The following SH3KBP1 variants were observed in gnomAD, a reference collection of about 807,000 sequenced individuals.
The protein encoded by SH3KBP1 is SH3 domain-containing kinase-binding protein 1.
Under a neutral mutation model 50.1 loss-of-function variants are expected in SH3KBP1, and 8 were observed. That is an observed-to-expected ratio of 0.16 (90% CI 0.09 to 0.29). SH3KBP1 has a LOEUF of 0.29. Ranked by LOEUF, SH3KBP1 falls within the 10% of genes least tolerant of loss-of-function variation. The pLI is 1.00. For synonymous variants in SH3KBP1, 227 were observed against 218.6 expected (o/e 1.04, Z -0.34); for missense variants, 377 against 535.2 (o/e 0.70, Z 2.92).
chrX:19,702,656 TA>T (rs756113280), intron 4 of SH3KBP1, among the ~76,000 whole-genome samples: 4 of 103,192 alleles, frequency 3.9e-5, no homozygotes, highest in African/African-American at 3.5e-5. Context: ...CAATGCACTT[TA>T]AAAAAAAAAC....
At chrX:19,704,086 G>T (rs1256782181) in intron 4 of SH3KBP1, among the ~76,000 whole-genome samples, 2 of 111,739 alleles carry the variant, frequency 1.8e-5, no homozygotes, top group Non-Finnish European at 3.8e-5. Context: ...GGGAGTTTTT[G>T]ATCGTATTTT....
intron 7 of SH3KBP1, among the ~76,000 whole-genome samples, chrX:19,634,093 T>TGTGA (rs2061644535): frequency 3.1e-5 from 2 of 63,504 alleles, no homozygotes; most frequent in African/African-American, 5.9e-5. Context: ...TGTGTGTGTG[T>TGTGA]GTGACAGAGG....
intron 7 of SH3KBP1, among the ~76,000 whole-genome samples, chrX:19,634,106 AAGAAAG>A (rs2061646246): frequency 2.9e-5 from 1 of 34,190 alleles, no homozygotes; most frequent in African/African-American, 1.2e-4. Flanking sequence ...GACAGAGGGA[AAGAAAG>A]AGAGAGAGAC....
chrX:19,707,852 G>A (rs1019007918), intron 3 of SH3KBP1, among the ~76,000 whole-genome samples: 18 of 111,825 alleles, frequency 1.6e-4, no homozygotes, highest in Non-Finnish European at 3.2e-4. Flanking sequence ...CAGACAGACA[G>A]ACAGACAGAC....
At chrX:19,808,226 G>C (rs1569478727) in intron 2 of SH3KBP1, among the ~76,000 whole-genome samples, 1 of 110,789 alleles carries the variant, frequency 9.0e-6, no homozygotes, top group African/African-American at 3.3e-5. Flanking sequence ...GTGTCTTGAA[G>C]GTGTAGGCTT....
At chrX:19,797,548 T>C (rs182445885) in intron 2 of SH3KBP1, among the ~76,000 whole-genome samples, 7 of 111,753 alleles carry the variant, frequency 6.3e-5, no homozygotes, top group African/African-American at 2.3e-4. Flanking sequence ...GTACCGAAGG[T>C]TGGCACTCTG....
intron 2 of SH3KBP1, among the ~76,000 whole-genome samples, chrX:19,780,408 T>C (rs1325042559): frequency 1.1e-5 from 1 of 91,553 alleles, no homozygotes; most frequent in Non-Finnish European, 2.2e-5. Context: ...TTCACTCTGA[T>C]GGTAGTTTCT....
intron 1 of SH3KBP1, among the ~76,000 whole-genome samples, chrX:19,836,767 CT>C (rs746557619): frequency 8.9e-6 from 1 of 111,970 alleles, no homozygotes; most frequent in Non-Finnish European, 1.9e-5. Flanking sequence ...CAAATCTCAC[CT>C]TGAATTGTAG....
intron 3 of SH3KBP1, among the ~76,000 whole-genome samples, chrX:19,728,024 T>C (rs1310628306): frequency 1.1e-4 from 12 of 111,434 alleles, no homozygotes; most frequent in Non-Finnish European, 1.9e-5. Flanking sequence ...ATCTAACAGG[T>C]TGAGGAGAAG....
chrX:19,873,393 G>A (rs1016460238), intron 1 of SH3KBP1, among the ~76,000 whole-genome samples: 4 of 105,886 alleles, frequency 3.8e-5, no homozygotes, highest in Non-Finnish European at 7.7e-5. Context: ...AACCCTGGCT[G>A]GGCATGGTAG....
chrX:19,717,578 T>C (rs1269799513), intron 3 of SH3KBP1, among the ~76,000 whole-genome samples: 10 of 111,007 alleles, frequency 9.0e-5, no homozygotes, highest in Non-Finnish European at 1.7e-4. Flanking sequence ...AAAACAAAAA[T>C]ATATATATAC....
At chrX:19,719,849 CTAATAATAATAATAA>C in intron 3 of SH3KBP1, among the ~76,000 whole-genome samples, 2 of 100,581 alleles carry the variant, frequency 2.0e-5, no homozygotes, top group South Asian at 8.9e-4. Context: ...CCACCTCTAA[CTAATAATAATAATAA>C]TAATAATAAT....
intron 5 of SH3KBP1, among the ~76,000 whole-genome samples, chrX:19,689,957 C>A (rs755526125): frequency 7.0e-4 from 78 of 111,190 alleles, no homozygotes; most frequent in African/African-American, 2.3e-3. Flanking sequence ...GGACGCTGAG[C>A]AATCCATTTC....
At chrX:19,545,053 G>A (rs745733504) in intron 15 of SH3KBP1, among the ~76,000 whole-genome samples, 8 of 112,489 alleles carry the variant, frequency 7.1e-5, no homozygotes, top group Non-Finnish European at 1.1e-4. Flanking sequence ...ATAGGATCAC[G>A]TTTTGCTTAC....
At position 19,692,624 on chromosome X, in the gene SH3KBP1, C is replaced by CGTGTGT. The variant is rs534431997; in HGVS notation, c.520+2982_520+2987dup. ...ATATACATATACACATATATACATA[C>CGTGTGT]GTGTGTGTGTGTGTGTGTGTGTGTG... On this transcript the variant is annotated intron_variant, in intron 5 of 17. Transcript: ENST00000397821. Among the ~76,000 whole-genome samples, 487 of 68,668 alleles carry CGTGTGT rather than the reference C, an allele frequency of 7.1e-3. 5 individuals carry two copies. Among genetic ancestry groups the CGTGTGT allele is most frequent in the East Asian group, 0.019 (42 of 2,156 alleles). 59.6% of individuals were successfully genotyped at this position (68,668 alleles called of 115,157 possible).
chrX:19,884,571 A>C (rs1048496428), intron 1 of SH3KBP1, among the ~76,000 whole-genome samples: 2 of 112,211 alleles, frequency 1.8e-5, no homozygotes, highest in African/African-American at 6.5e-5. Context: ...TCCATTTCTA[A>C]CTCAAGACAT....
chrX:19,681,227 CAT>C (rs751916972), intron 6 of SH3KBP1, among the ~76,000 whole-genome samples: 12 of 112,209 alleles, frequency 1.1e-4, no homozygotes, highest in African/African-American at 3.2e-4. Flanking sequence ...TGCGCACACA[CAT>C]ATATGTGTCT....
chrX:19,727,439 T>C (rs1175795625), intron 3 of SH3KBP1, among the ~76,000 whole-genome samples: 1 of 112,671 alleles, frequency 8.9e-6, no homozygotes, highest in Non-Finnish European at 1.9e-5. Flanking sequence ...GTCTGGTTTA[T>C]TTCACTTAGC....
At chrX:19,659,957 A>C (rs1162141176) in intron 6 of SH3KBP1, among the ~76,000 whole-genome samples, 1 of 112,885 alleles carries the variant, frequency 8.9e-6, no homozygotes, top group East Asian at 2.8e-4. Context: ...TGCCTTGCAC[A>C]GGAGATGCTA....
Sources: gnomAD v4.1 joint callset for allele counts (sites outside exome capture counted in the v4.1 genomes callset) on GRCh38, gnomAD v4.1.1 for gene constraint, MANE v1.5 for transcripts, NCBI Gene and HGNC (gene_info 2026-07-23, HGNC 2026-07-21) for gene names.